Variants in LRMDA observed in about 807,000 individuals in gnomAD.
LRMDA encodes the protein leucine rich melanocyte differentiation associated, also known as leucine-rich melanocyte differentiation-associated protein.
Under a neutral mutation model 29.8 loss-of-function variants are expected in LRMDA, and 18 were observed. The ratio of observed to expected loss-of-function variants is 0.60; its 90% CI spans 0.42 to 0.90. LRMDA has a LOEUF of 0.90. Among genes scored for constraint, LRMDA ranks in the 40% least tolerant of loss-of-function variants. The probability of loss-of-function intolerance (pLI) is 0.00; values close to 1 mark genes in which losing one functional copy is unlikely to be tolerated. For synonymous variants in LRMDA, 125 were observed against 109.4 expected, an observed-to-expected ratio of 1.14 and a Z score of -0.89; for missense variants, 273 against 273.9, an observed-to-expected ratio of 1.00 and a Z score of 0.02.
intron 2 of LRMDA, among the ~76,000 whole-genome samples, chr10:75,660,608 A>G (rs1841740065): frequency 6.6e-6 from 1 of 152,204 alleles, no homozygotes; most frequent in Non-Finnish European, 1.5e-5. Context: ...AGTTGCAGCC[A>G]CTTTACAAGC....
intron 2 of LRMDA, among the ~76,000 whole-genome samples, chr10:75,672,530 C>CTT (rs1841906171): frequency 5.0e-4 from 2 of 3,976 alleles, no homozygotes; most frequent in Non-Finnish European, 8.0e-4. Flanking sequence ...CTTTTCCTCC[C>CTT]CTCCCCTCCC....
At chr10:76,089,971 A>G (rs569140840) in intron 5 of LRMDA, among the ~76,000 whole-genome samples, 1 of 152,224 alleles carries the variant, frequency 6.6e-6, no homozygotes, top group East Asian at 1.9e-4. Context: ...CAGATTTAGA[A>G]CAGCAAATGA....
At chr10:75,569,249 G>C (rs1314546163) in intron 2 of LRMDA, among the ~76,000 whole-genome samples, 1 of 152,130 alleles carries the variant, frequency 6.6e-6, no homozygotes, top group East Asian at 1.9e-4. Context: ...ACAAAGTAGT[G>C]GTGTTGAGAG....
chr10:75,691,605 A>C (rs984057742), intron 2 of LRMDA, among the ~76,000 whole-genome samples: 11 of 152,298 alleles, frequency 7.2e-5, no homozygotes, highest in Non-Finnish European at 1.5e-4. Context: ...TTCTATCAAC[A>C]TAAGCTCATA....
intron 6 of LRMDA, among the ~76,000 whole-genome samples, chr10:76,379,161 T>TGTGTGTG (rs1841559020): frequency 2.9e-5 from 4 of 137,856 alleles, no homozygotes; most frequent in Non-Finnish European, 4.7e-5. Flanking sequence ...CTGGCCTTCT[T>TGTGTGTG]TGTGTGTGTG....
chr10:76,398,603 T>C (rs1308991910), intron 6 of LRMDA, among the ~76,000 whole-genome samples: 1 of 152,226 alleles, frequency 6.6e-6, no homozygotes, highest in African/African-American at 2.4e-5. Context: ...ACTAAACTTA[T>C]TGGGAACAGA....
intron 2 of LRMDA, among the ~76,000 whole-genome samples, chr10:75,906,443 G>A (rs1032494638): frequency 1.3e-5 from 2 of 152,288 alleles, no homozygotes; most frequent in African/African-American, 4.8e-5. Flanking sequence ...CAGCCAATTA[G>A]AGGTCTAACC....
chr10:75,543,933 G>A (rs953268132), intron 2 of LRMDA, among the ~76,000 whole-genome samples: 3 of 152,032 alleles, frequency 2.0e-5, no homozygotes, highest in East Asian at 1.9e-4. Context: ...TACAAGTGTC[G>A]CTGAATGTGC....
chr10:75,649,035 G>A (rs1206486747), intron 2 of LRMDA, among the ~76,000 whole-genome samples: 1 of 152,116 alleles, frequency 6.6e-6, no homozygotes, highest in Non-Finnish European at 1.5e-5. Context: ...TTCATATTGT[G>A]CAATCATCAG....
chr10:75,558,132 A>G (rs978068406), intron 2 of LRMDA, among the ~76,000 whole-genome samples: 1 of 151,372 alleles, frequency 6.6e-6, no homozygotes, highest in African/African-American at 2.4e-5. Context: ...AAAAAAGTAA[A>G]TTAGGTGATT....
chr10:75,434,422 C>T (rs181137004), intron 1 of LRMDA, among the ~76,000 whole-genome samples: 3 of 152,304 alleles, frequency 2.0e-5, no homozygotes, highest in Non-Finnish European at 4.4e-5. Flanking sequence ...TTACATTATT[C>T]TTAACACCTT....
chr10:76,404,572 C>A (rs946956839), intron 6 of LRMDA, among the ~76,000 whole-genome samples: 5 of 152,162 alleles, frequency 3.3e-5, no homozygotes, highest in Non-Finnish European at 7.3e-5. Context: ...TTCAGGGACA[C>A]ACTGGGTGTG....
At chr10:75,563,771 C>T (rs1255063015) in intron 2 of LRMDA, among the ~76,000 whole-genome samples, 1 of 152,142 alleles carries the variant, frequency 6.6e-6, no homozygotes, top group Non-Finnish European at 1.5e-5. Flanking sequence ...AGCTGCAGGT[C>T]TGTTGGAGTT....
chr10:76,536,140 A>C (rs1843288398), intron 6 of LRMDA, among the ~76,000 whole-genome samples: 1 of 152,114 alleles, frequency 6.6e-6, no homozygotes, highest in African/African-American at 2.4e-5. Flanking sequence ...TTCATCCCTC[A>C]ATACTTCGGC....
intron 6 of LRMDA, among the ~76,000 whole-genome samples, chr10:76,491,387 T>C (rs1284705788): frequency 6.6e-6 from 1 of 152,004 alleles, no homozygotes; most frequent in Non-Finnish European, 1.5e-5. Flanking sequence ...CCCTCAGCTT[T>C]TGTTTGTTTT....
intron 2 of LRMDA, among the ~76,000 whole-genome samples, chr10:75,488,128 G>C (rs1004555158): frequency 6.6e-6 from 1 of 152,110 alleles, no homozygotes; most frequent in African/African-American, 2.4e-5. Context: ...GATGCTAAAT[G>C]GTGTATGCCC....
chr10:75,890,432 G>C (rs1845466006), intron 2 of LRMDA, among the ~76,000 whole-genome samples: 1 of 152,198 alleles, frequency 6.6e-6, no homozygotes, highest in Non-Finnish European at 1.5e-5. Flanking sequence ...GTAGTGTCAG[G>C]ATGTAATCAG....
chr10:76,412,069 T>G (rs1841967964), intron 6 of LRMDA, among the ~76,000 whole-genome samples: 1 of 152,234 alleles, frequency 6.6e-6, no homozygotes, highest in African/African-American at 2.4e-5. Flanking sequence ...ACCCTTTGAA[T>G]TCTCTCGAAA....
At position 76,411,450 on chromosome 10, in the gene LRMDA, C is replaced by A. The variant is rs1841960569; in HGVS notation, c.601+86965C>A. Among the ~76,000 whole-genome samples the A allele has an allele frequency of 2.6e-5, 4 of 152,172 alleles. No homozygotes were observed. In the South Asian group the frequency reaches 8.3e-4, roughly 32 times the overall value. On this transcript the variant is annotated intron_variant, in intron 6 of 6. Transcript: ENST00000611255. ...AGGATGATTATATACACCTTACAGC[C>A]ATGTTTCATGGACTCCCTGGGTGGA...
Sources: allele counts gnomAD v4.1 joint callset (sites outside exome capture counted in the v4.1 genomes callset), GRCh38; gene constraint gnomAD v4.1.1; transcripts MANE v1.5; gene names NCBI Gene and HGNC (gene_info 2026-07-23, HGNC 2026-07-21).